The following EIF3CL variants were observed in gnomAD, a reference collection of about 807,000 sequenced individuals.
EIF3CL encodes eukaryotic translation initiation factor 3 subunit C-like protein.
For missense variants in EIF3CL, 5 were observed against 56.1 expected (o/e 0.09, Z 2.91); for synonymous variants, 2 against 19.6 (o/e 0.10, Z 2.37).
chr16:28,387,549 A>G (rs1161861890), intron 15 of EIF3CL, among the ~76,000 whole-genome samples: 3 of 150,292 alleles, frequency 2.0e-5, no homozygotes, highest in Non-Finnish European at 4.4e-5. Flanking sequence ...GCAGCTTCAT[A>G]CATTAGAGCC....
the EIF3CL span, chr16:28,414,415 G>T: frequency 3.1e-6 from 1 of 323,790 alleles, no homozygotes; most frequent in South Asian, 2.3e-5. Flanking sequence ...AAGAAAAGAC[G>T]GCTTTAGCAG....
chr16:28,414,315 G>A, the EIF3CL span: 1 of 294,396 alleles, frequency 3.4e-6, no homozygotes, highest in Non-Finnish European at 6.6e-6. Context: ...AGAATCGCTT[G>A]AACCCGGGAG....
At chr16:28,417,745 C>T in the EIF3CL span, among the ~76,000 whole-genome samples, 7 of 135,008 alleles carry the variant, frequency 5.2e-5, no homozygotes, top group African/African-American at 1.6e-4. Context: ...ATCTGCTGAC[C>T]TTCCCTCCAC....
the EIF3CL span, among the ~76,000 whole-genome samples, chr16:28,423,795 A>ATATATATATATAATATATATAT: frequency 1.7e-4 from 17 of 99,346 alleles, no homozygotes; most frequent in African/African-American, 5.2e-4. Context: ...TTTCTGCTCC[A>ATATATATATATAATATATATAT]TATATATATA....
chr16:28,416,690 C>T, the EIF3CL span, among the ~76,000 whole-genome samples: 1 of 118,736 alleles, frequency 8.4e-6, no homozygotes, highest in Non-Finnish European at 1.9e-5. Context: ...CTCCGCCCGG[C>T]AGCCACCCCA....
At chr16:28,425,476 G>A in the EIF3CL span, among the ~76,000 whole-genome samples, 3 of 97,972 alleles carry the variant, frequency 3.1e-5, 1 homozygote, top group Admixed American at 2.5e-4. Context: ...CGCTGGAGTT[G>A]GTACTTTATA....
chr16:28,405,882 T>TAC (rs374626829), upstream of EIF3CL, among the ~76,000 whole-genome samples: 942 of 148,944 alleles, frequency 6.3e-3, no homozygotes, highest in Middle Eastern at 0.021. Context: ...TCTTTGTGTA[T>TAC]ACACACACAC....
chr16:28,416,767 C>A, the EIF3CL span, among the ~76,000 whole-genome samples: 1 of 104,696 alleles, frequency 9.6e-6, no homozygotes, highest in Non-Finnish European at 2.1e-5. Flanking sequence ...GGGGGGTCAG[C>A]CCCCCCACCC....
At chr16:28,405,892 CACACACACAT>C (rs1359405422), upstream of EIF3CL, among the ~76,000 whole-genome samples, 2,531 of 66,640 alleles carry the variant, frequency 0.038, no homozygotes, top group Non-Finnish European at 0.063. Flanking sequence ...TACACACACA[CACACACACAT>C]ACACACACAC....
the EIF3CL span, among the ~76,000 whole-genome samples, chr16:28,418,505 C>T: frequency 7.6e-6 from 1 of 131,262 alleles, no homozygotes; most frequent in Non-Finnish European, 1.6e-5. Flanking sequence ...TTGATTTCTT[C>T]TGCTGTCTAA....
chr16:28,415,476 G>A, the EIF3CL span, among the ~76,000 whole-genome samples: 1 of 142,788 alleles, frequency 7.0e-6, no homozygotes, highest in African/African-American at 2.7e-5. Context: ...GAGGCTGGAT[G>A]AGGTGGCTCA....
the EIF3CL span, among the ~76,000 whole-genome samples, chr16:28,418,650 G>T: frequency 4.3e-4 from 37 of 85,206 alleles, no homozygotes; most frequent in South Asian, 2.1e-3. Context: ...TTTTTTTTTT[G>T]ACACAGTTTC....
At chr16:28,385,837 C>CA (rs1243537556) in intron 15 of EIF3CL, among the ~76,000 whole-genome samples, 3 of 2,006 alleles carry the variant, frequency 1.5e-3, no homozygotes, top group African/African-American at 5.3e-3. Context: ...TAGCAACTTA[C>CA]AAAAAAAAAA....
At position 28,385,741 on chromosome 16, in the gene EIF3CL, G is replaced by GA; in HGVS notation, c.1822-2261dup. On this transcript the variant is annotated intron_variant, in intron 15 of 20. Transcript: ENST00000380876. ...AGAACAACTAGGTATCCATATGGAG[G>GA]AAAAAGAAACCCTGATCCCAACCTC... 1.3e-4 allele frequency among the ~76,000 whole-genome samples: 2 copies of GA among 14,914 alleles called. 1 individual carries two copies. The highest frequency in any genetic ancestry group is 3.2e-4 in the Non-Finnish European group (2 of 6,274). 9.8% of individuals were successfully genotyped at this position (14,914 alleles called of 152,430 possible).
the EIF3CL span, among the ~76,000 whole-genome samples, chr16:28,416,989 AG>A: frequency 1.1e-5 from 1 of 89,110 alleles, no homozygotes; most frequent in Non-Finnish European, 2.4e-5. Context: ...CTGCCCGGCC[AG>A]CCGCCCCGTC....
At chr16:28,417,177 T>C in the EIF3CL span, among the ~76,000 whole-genome samples, 1 of 141,546 alleles carries the variant, frequency 7.1e-6, no homozygotes, top group African/African-American at 2.7e-5. Flanking sequence ...AGCCGCCCCG[T>C]CCGGGAGGGA....
intron 15 of EIF3CL, among the ~76,000 whole-genome samples, chr16:28,385,530 T>C (rs890437200): frequency 7.2e-5 from 7 of 97,280 alleles, no homozygotes; most frequent in African/African-American, 2.4e-4. Context: ...GGTTTTGTTA[T>C]GTTGCACAGC....
upstream of EIF3CL, among the ~76,000 whole-genome samples, chr16:28,405,880 T>TATACACACACACACACACAC (rs1567241775): frequency 1.4e-5 from 2 of 145,206 alleles, no homozygotes; most frequent in African/African-American, 4.9e-5. Context: ...TCTCTTTGTG[T>TATACACACACACACACACAC]ATACACACAC....
the EIF3CL span, among the ~76,000 whole-genome samples, chr16:28,416,809 G>A: frequency 1.2e-5 from 1 of 85,454 alleles, no homozygotes; most frequent in Non-Finnish European, 2.6e-5. Context: ...GGTGAGGGGC[G>A]CCTCTGCCCG....
Sources: gnomAD v4.1 joint callset for allele counts (sites outside exome capture counted in the v4.1 genomes callset) on GRCh38, gnomAD v4.1.1 for gene constraint, MANE v1.5 for transcripts, NCBI Gene and HGNC (gene_info 2026-07-23, HGNC 2026-07-21) for gene names.